CFAP74: variants seen among roughly 807,000 people sequenced by gnomAD.
CFAP74 encodes the protein cilia- and flagella-associated protein 74.
CFAP74 carries 124 observed loss-of-function variants against 188.9 expected under a neutral mutation model. The ratio of observed to expected loss-of-function variants is 0.66; its 90% CI spans 0.57 to 0.76. The LOEUF is 0.76. Ranked by LOEUF, CFAP74 falls within the 30% of genes least tolerant of loss-of-function variation. CFAP74 has a pLI of 0.00. For synonymous variants in CFAP74, 956 were observed against 916.7 expected (o/e 1.04, Z -0.77); for missense variants, 2,198 against 2,165.2 (o/e 1.02, Z -0.30).
At position 1,960,001 on chromosome 1, in the gene CFAP74, C is replaced by A; in HGVS notation, c.1724G>T (p.Gly575Val). 1.3e-6 allele frequency: 2 copies of A among 1,595,876 alleles called. No individual in the cohort carries two copies. The highest frequency in any genetic ancestry group is 1.7e-6 in the Non-Finnish European group (2 of 1,172,438). ...DFDPPGPLSA[G>V]MSCEVLVTFK... ...GGTGACAAGCACTTCACAGGACATT[C>A]CGGCTGACAGGGGGCCAGGGGGGTC... Residue 575 changes from glycine to valine, a missense_variant, in exon 15 of 39, where the codon GGA becomes GTA. Physicochemically the swap from Gly to Val is moderately radical, Grantham distance 109. Coordinates refer to ENST00000682832, the MANE Select transcript of CFAP74 (RefSeq NM_001304360.2).
intron 1 of CFAP74, among the ~76,000 whole-genome samples, chr1:2,002,119 A>C (rs963064262): frequency 6.6e-6 from 1 of 152,096 alleles, no homozygotes. Context: ...GTGTTGGAGA[A>C]TGTCCTCGTT....
At position 1,985,383 on chromosome 1, in the gene CFAP74, C is replaced by G. The variant is rs777492230; in HGVS notation, c.500+3G>C. 3.1e-6 allele frequency: 5 copies of G among 1,613,028 alleles called. No homozygotes were observed. In the Admixed American group the frequency reaches 8.3e-5, roughly 27 times the overall value. ...TGCCAGTCCCGGCTGCACACCGACT[C>G]ACTCGCTCTCCTTCAGCACGGCCTC... On this transcript the variant is annotated splice_donor_region_variant and intron_variant, in intron 6 of 38. Transcript: ENST00000682832.
chr1:1,927,388 G>A, intron 28 of CFAP74: 1 of 589,890 alleles, frequency 1.7e-6, no homozygotes, highest in Non-Finnish European at 3.0e-6. Context: ...CCCCACCCGT[G>A]GATTGAGGCT....
chr1:1,930,407 C>T, intron 25 of CFAP74, 71 bp from the exon 26 acceptor site: 1 of 1,423,022 alleles, frequency 7.0e-7, no homozygotes, highest in Non-Finnish European at 9.3e-7. Flanking sequence ...GGCGCGGGGG[C>T]CACTGGGTGG....
rs369312128 is a variant in CFAP74, at chr1:1,927,747, C to A, written c.3388-1G>T. 1 of 1,549,622 alleles carries A rather than the reference C, an allele frequency of 6.5e-7. No individual in the cohort carries two copies. Among genetic ancestry groups the A allele is most frequent in the African/African-American group, 1.4e-5 (1 of 73,182 alleles). ...TCTGGGGGGCCATATTCTTTCGGAA[C>A]TGTGGGGGGAGCGACTGGCTGTGGG... is the stretch of plus-strand genomic sequence containing the variant. On this transcript the variant is annotated splice_acceptor_variant, in intron 27 of 38. Coordinates refer to ENST00000682832, the MANE Select transcript of CFAP74 (RefSeq NM_001304360.2). LOFTEE classifies it high-confidence loss of function.
chr1:1,950,848 A>G (rs2490540), intron 18 of CFAP74, among the ~76,000 whole-genome samples: 125,198 of 152,092 alleles, frequency 0.82, 51,684 homozygotes, highest in East Asian at 0.86. Context: ...AGGGGCCATA[A>G]TTTCAATGTT....
At chr1:1,953,102 T>C (rs1165276157) in intron 18 of CFAP74, among the ~76,000 whole-genome samples, 6 of 152,164 alleles carry the variant, frequency 3.9e-5, no homozygotes, top group Non-Finnish European at 1.5e-5. Context: ...TAAACTATCC[T>C]GAGGCCCTAA....
Position 1,923,917 on chromosome 1 carries a change from A to G in CFAP74, c.4247T>C (p.Leu1416Pro), listed in dbSNP as rs765863131. 2 of 1,610,630 alleles carry G rather than the reference A, an allele frequency of 1.2e-6. No individual in the cohort carries two copies. Among genetic ancestry groups the G allele is most frequent in the Non-Finnish European group, 1.7e-6 (2 of 1,178,454 alleles). Residue 1416 changes from leucine (L) to proline (P), a missense_variant, in exon 35 of 39, where the codon CTC (leucine) becomes CCC (proline). Physicochemically the swap from Leu to Pro is moderately conservative, Grantham distance 98. Coordinates refer to ENST00000682832, the MANE Select transcript of CFAP74 (RefSeq NM_001304360.2). The surrounding 1 kb of genome is among the most constrained non-coding windows in gnomAD (Gnocchi z 6.3). ...CACGCTGAACACGCTCTGACCGTTG[A>G]GATTCTGCGTCCCTGCGGGTAGGGT... is the stretch of plus-strand genomic sequence containing the variant. ...QRTEVVGTQN[L>P]NGQSVFSVAP... is the part of the protein sequence containing the mutation.
intron 20 of CFAP74, among the ~76,000 whole-genome samples, chr1:1,945,422 G>A (rs1653683028): frequency 6.6e-6 from 1 of 152,188 alleles, no homozygotes; most frequent in Admixed American, 6.5e-5. Flanking sequence ...TGTGAGGTGA[G>A]CCGAGGACTC....
chr1:1,931,058 A>G (rs1337149795), intron 25 of CFAP74, among the ~76,000 whole-genome samples: 1 of 152,202 alleles, frequency 6.6e-6, no homozygotes, highest in Non-Finnish European at 1.5e-5. Context: ...TCGGTAACAG[A>G]AAGTGTTCAT....
chr1:1,961,517 A>C (rs1038947834), intron 14 of CFAP74, among the ~76,000 whole-genome samples: 2 of 152,148 alleles, frequency 1.3e-5, no homozygotes, highest in Non-Finnish European at 2.9e-5. Context: ...GTCCATGAGA[A>C]GTTCTCATCC....
At chr1:1,945,622 G>A (rs1653697916) in intron 20 of CFAP74, among the ~76,000 whole-genome samples, 2 of 152,104 alleles carry the variant, frequency 1.3e-5, no homozygotes, top group African/African-American at 4.8e-5. Context: ...GAGGTCAGGA[G>A]TTCGAGACCA....
chr1:1,959,012 C>T, intron 16 of CFAP74, 108 bp downstream of exon 16: 1 of 735,590 alleles, frequency 1.4e-6, no homozygotes, highest in Non-Finnish European at 2.3e-6. Flanking sequence ...GGAGCTTCCA[C>T]CTGGTCCCCC....
At chr1:1,967,971 G>A (rs1183350975) in intron 11 of CFAP74, among the ~76,000 whole-genome samples, 3 of 137,546 alleles carry the variant, frequency 2.2e-5, no homozygotes, top group Non-Finnish European at 4.9e-5. Context: ...GTGAATGAGT[G>A]AATGAGTAAA....
At chr1:1,987,152 AC>A in intron 4 of CFAP74, 117 bp from the exon 5 acceptor site, 3 of 766,438 alleles carry the variant, frequency 3.9e-6, no homozygotes, top group Non-Finnish European at 6.3e-6. Context: ...AGCCCCCCTC[AC>A]CCGGGCCAGG....
Position 1,955,660 on chromosome 1 carries a change from C to T in CFAP74, c.2176+31G>A, listed in dbSNP as rs199780644. ...TGCCCTGAGGCCCTCACCGCCCGCC[C>T]ACCCTGGCTTGGCCTGGCAGCCTGG... On this transcript the variant is annotated intron_variant, in intron 18 of 38. Transcript: ENST00000682832. The T allele has an allele frequency of 2.0e-4, 317 of 1,606,014 alleles. 1 individual carries two copies. Among genetic ancestry groups the T allele is most frequent in the Non-Finnish European group, 2.3e-4 (265 of 1,175,374 alleles).
In CFAP74 at chr1:1,942,457, A is replaced by G. The variant is rs539354954; in HGVS notation, c.2487-301T>C. Among the ~76,000 whole-genome samples, 1 of 152,252 alleles carries G rather than the reference A, an allele frequency of 6.6e-6. No homozygotes were observed. The highest frequency in any genetic ancestry group is 2.4e-5 in the African/African-American group (1 of 41,570). ...ATGCTTTCCGGGAAGAGCACCTGCCAGGCAGCCCCTGGGTGCGGGGCCCTG... is the reference window on the plus strand; with the variant it reads ...ATGCTTTCCGGGAAGAGCACCTGCCGGGCAGCCCCTGGGTGCGGGGCCCTG... On this transcript the variant is annotated intron_variant, in intron 21 of 38. Transcript: ENST00000682832. This position sits in a 1 kb window ranked among gnomAD's most constrained non-coding sequence, Gnocchi z 4.3.
At chr1:1,955,964 C>T (rs1421763124) in intron 17 of CFAP74, 114 bp from the exon 18 acceptor site, 12 of 1,454,140 alleles carry the variant, frequency 8.3e-6, no homozygotes, top group East Asian at 2.4e-5. Context: ...CTGGCTCCAG[C>T]GTGGCCCCTC....
rs181398690 is a variant in CFAP74 at position 1,991,814 on chromosome 1, C to T, written c.-19-839G>A. 4.4e-3 allele frequency among the ~76,000 whole-genome samples: 672 copies of T among 151,958 alleles called. 3 individuals carry two copies. The highest frequency in any genetic ancestry group is 6.8e-3 in the African/African-American group (281 of 41,478). ...CAGCACTTTGGGAGGCCAAGGTGGG[C>T]GGATCACGAGGTCAGGAGATCGAGA... On this transcript the variant is annotated intron_variant, in intron 1 of 38. Transcript: ENST00000682832.
Sources: allele counts gnomAD v4.1 joint callset (sites outside exome capture counted in the v4.1 genomes callset), GRCh38; gene constraint gnomAD v4.1.1; non-coding constraint Gnocchi (gnomAD v3.1); transcripts MANE v1.5; gene names NCBI Gene and HGNC (gene_info 2026-07-23, HGNC 2026-07-21).